Variants in SIRPD observed in about 807,000 individuals in gnomAD.
SIRPD encodes the protein signal-regulatory protein delta.
SIRPD carries 21 observed loss-of-function variants against 18.0 expected under a neutral mutation model. The ratio of observed to expected loss-of-function variants is 1.17; its 90% CI spans 0.83 to 1.68. The LOEUF (loss-of-function observed/expected upper bound fraction) is 1.68. SIRPD is among the 40% of genes most tolerant of loss of function. The probability of loss-of-function intolerance (pLI) is 0.00; values close to 1 mark genes in which losing one functional copy is unlikely to be tolerated. For synonymous variants in SIRPD, 106 were observed against 92.9 expected, an observed-to-expected ratio of 1.14 and a Z score of -0.81; for missense variants, 295 against 238.4, an observed-to-expected ratio of 1.24 and a Z score of -1.56.
At chr20:1,547,239 G>T (rs1288513816) in intron 2 of SIRPD, among the ~76,000 whole-genome samples, 1 of 152,108 alleles carries the variant, frequency 6.6e-6, no homozygotes, top group Non-Finnish European at 1.5e-5. Flanking sequence ...CTATCCAGTT[G>T]TTTCAGCATT....
At chr20:1,537,922 AAC>A (rs904160041) in intron 2 of SIRPD, among the ~76,000 whole-genome samples, 1 of 152,058 alleles carries the variant, frequency 6.6e-6, no homozygotes, top group African/African-American at 2.4e-5. Flanking sequence ...ATACTGCAGG[AAC>A]AGTGACATGC....
chr20:1,542,272 A>G (rs1480160431), intron 2 of SIRPD, among the ~76,000 whole-genome samples: 1 of 152,082 alleles, frequency 6.6e-6, no homozygotes, highest in Non-Finnish European at 1.5e-5. Flanking sequence ...CCTATCCATG[A>G]GAGTGGAATG....
At chr20:1,547,645 T>A (rs2090999469) in intron 2 of SIRPD, among the ~76,000 whole-genome samples, 1 of 152,186 alleles carries the variant, frequency 6.6e-6, no homozygotes, top group Admixed American at 6.5e-5. Flanking sequence ...TATTTCCACA[T>A]GAATGTTAAG....
intron 2 of SIRPD, 82 bp from the exon 3 acceptor site, chr20:1,537,392 C>T: frequency 2.8e-6 from 4 of 1,429,996 alleles, no homozygotes; most frequent in Non-Finnish European, 2.9e-6. Context: ...AGGATTATGA[C>T]CGTTCCAGTT....
intron 2 of SIRPD, among the ~76,000 whole-genome samples, chr20:1,538,821 A>C (rs962085293): frequency 2.0e-5 from 3 of 152,238 alleles, no homozygotes; most frequent in African/African-American, 7.2e-5. Flanking sequence ...AGTCATCCCC[A>C]GGTGAGTTTC....
intron 2 of SIRPD, among the ~76,000 whole-genome samples, chr20:1,547,590 C>T (rs867405892): frequency 4.6e-5 from 7 of 152,116 alleles, no homozygotes; most frequent in African/African-American, 1.7e-4. Flanking sequence ...CGTGTGTTCT[C>T]CTACTTTATT....
In SIRPD at chr20:1,551,955, C is replaced by G; in HGVS notation, c.157G>C (p.Val53Leu). The G allele has an allele frequency of 6.2e-7, 1 of 1,614,024 alleles. No individual in the cohort carries two copies. The highest frequency in any genetic ancestry group is 8.5e-7 in the Non-Finnish European group (1 of 1,179,988). Residue 53 changes from valine (V) to leucine (L), a missense_variant, in exon 2 of 4, where the codon GTA becomes CTA. By Grantham distance (32) the Val-to-Leu change is conservative. Transcript: ENST00000381623. ...TGESIILSCS[V>L]PNTLPNGPVL... ...GGTCCATTTGGTAAGGTATTGGGTA[C>G]GCTGCAACTCAAGATGATTGACTCC...
chr20:1,541,091 A>G (rs1291077973), intron 2 of SIRPD, among the ~76,000 whole-genome samples: 1 of 152,192 alleles, frequency 6.6e-6, no homozygotes, highest in East Asian at 1.9e-4. Context: ...TACTGCTGCA[A>G]TAAACATACA....
intron 2 of SIRPD, chr20:1,540,297 T>C (rs1432884405): frequency 6.6e-6 from 3 of 456,074 alleles, no homozygotes; most frequent in Non-Finnish European, 1.3e-5. Flanking sequence ...AGTCCAGAGA[T>C]GCAGATTTCA....
intron 2 of SIRPD, among the ~76,000 whole-genome samples, chr20:1,545,831 C>T (rs534614501): frequency 6.6e-6 from 1 of 152,076 alleles, no homozygotes; most frequent in Non-Finnish European, 1.5e-5. Context: ...GATGTTGATC[C>T]TGTTGCTTTC....
intron 1 of SIRPD, among the ~76,000 whole-genome samples, chr20:1,552,981 A>T (rs893815907): frequency 1.3e-5 from 2 of 152,144 alleles, no homozygotes; most frequent in African/African-American, 4.8e-5. Context: ...ACCTAATACC[A>T]CTGTATTTCA....
At chr20:1,542,754 A>G (rs2090978010) in intron 2 of SIRPD, among the ~76,000 whole-genome samples, 1 of 152,222 alleles carries the variant, frequency 6.6e-6, no homozygotes, top group African/African-American at 2.4e-5. Context: ...TTGTCCATTC[A>G]GTATGATACT....
intron 2 of SIRPD, among the ~76,000 whole-genome samples, chr20:1,538,371 T>C (rs976299516): frequency 2.0e-5 from 3 of 152,230 alleles, no homozygotes; most frequent in Admixed American, 2.0e-4. Context: ...GACAAGGAAC[T>C]GGCCAGAGTG....
chr20:1,536,127 A>C (rs1176015980), intron 3 of SIRPD, among the ~76,000 whole-genome samples: 3 of 152,256 alleles, frequency 2.0e-5, no homozygotes, highest in Non-Finnish European at 2.9e-5. Context: ...CGGATGCAGC[A>C]GGACTATTTT....
At chr20:1,546,937 T>A in intron 2 of SIRPD, among the ~76,000 whole-genome samples, 1 of 152,220 alleles carries the variant, frequency 6.6e-6, no homozygotes, top group Non-Finnish European at 1.5e-5. Flanking sequence ...AGATATGTAA[T>A]TTGCAAATAT....
chr20:1,537,085 C>A, intron 3 of SIRPD, 70 bp downstream of exon 3: 1 of 1,562,448 alleles, frequency 6.4e-7, no homozygotes. Flanking sequence ...CTGCAGGTGG[C>A]GAAATGGTAC....
intron 2 of SIRPD, among the ~76,000 whole-genome samples, chr20:1,541,556 A>G (rs1254997339): frequency 6.6e-6 from 1 of 152,142 alleles, no homozygotes; most frequent in African/African-American, 2.4e-5. Context: ...CCAGATGGAT[A>G]GATTGCAAAA....
At chr20:1,538,330 T>A (rs1314116173) in intron 2 of SIRPD, among the ~76,000 whole-genome samples, 1 of 152,202 alleles carries the variant, frequency 6.6e-6, no homozygotes, top group Non-Finnish European at 1.5e-5. Flanking sequence ...TATTCTAGCT[T>A]GTTAAACATT....
At chr20:1,540,448 A>G (rs575308235) in intron 2 of SIRPD, 5 of 370,504 alleles carry the variant, frequency 1.3e-5, no homozygotes, top group South Asian at 5.9e-5. Flanking sequence ...GATATGTGCA[A>G]TCATAACCAC....
Sources: gnomAD v4.1 joint callset for allele counts (sites outside exome capture counted in the v4.1 genomes callset) on GRCh38, gnomAD v4.1.1 for gene constraint, MANE v1.5 for transcripts, NCBI Gene and HGNC (gene_info 2026-07-23, HGNC 2026-07-21) for gene names.